GRIK2: variants seen among roughly 807,000 people sequenced by gnomAD.
The protein encoded by GRIK2 is glutamate ionotropic receptor kainate type subunit 2.
A neutral mutation model predicts 100.3 loss-of-function variants in GRIK2; 32 were observed. That is an observed-to-expected ratio of 0.32 (90% CI 0.24 to 0.43). GRIK2 has a LOEUF of 0.43. Ranked by LOEUF, GRIK2 falls within the 20% of genes least tolerant of loss-of-function variation. GRIK2 has a pLI of 1.00. For synonymous variants in GRIK2, 417 were observed against 389.4 expected, an observed-to-expected ratio of 1.07 and a Z score of -0.83; for missense variants, 843 against 1,114.9, an observed-to-expected ratio of 0.76 and a Z score of 3.47.
chr6:101,535,766 T>A (rs1775661309), intron 2 of GRIK2, among the ~76,000 whole-genome samples: 1 of 151,732 alleles, frequency 6.6e-6, no homozygotes, highest in Admixed American at 6.6e-5. Flanking sequence ...TTTTTTTCAT[T>A]ATGTTGACAT....
At chr6:101,523,516 T>C (rs1774990039) in intron 2 of GRIK2, among the ~76,000 whole-genome samples, 1 of 152,148 alleles carries the variant, frequency 6.6e-6, no homozygotes, top group Non-Finnish European at 1.5e-5. Context: ...CAGGAAAATT[T>C]TATGAATGAA....
In GRIK2 at chr6:101,774,218, TCA is replaced by T. The variant is rs370408280; in HGVS notation, c.952-25427_952-25426del. On this transcript the variant is annotated intron_variant, in intron 7 of 16. Transcript: ENST00000369134. ...CCTAGGTCCCAAATTTAGAAAAAAA[TCA>T]CAGTCTGTTAACACCGTAAAAATCT... is the stretch of plus-strand genomic sequence containing the variant. Among the ~76,000 whole-genome samples, 39 of 152,254 alleles carry T rather than the reference TCA, an allele frequency of 2.6e-4. No individual in the cohort carries two copies. In the East Asian group the frequency reaches 4.6e-3, roughly 18 times the overall value.
intron 16 of GRIK2, among the ~76,000 whole-genome samples, chr6:102,057,307 C>G (rs943614503): frequency 1.3e-5 from 2 of 151,888 alleles, no homozygotes; most frequent in African/African-American, 4.8e-5. Context: ...GTGCTTACCT[C>G]TATGTGTCCC....
Position 101,792,626 on chromosome 6 carries a change from T to C in GRIK2, c.952-7022T>C, listed in dbSNP as rs989463893. Among the ~76,000 whole-genome samples, 139 of 152,316 alleles carry C rather than the reference T, an allele frequency of 9.1e-4. 2 individuals are homozygous for C. The highest frequency in any genetic ancestry group is 6.8e-3 in the Middle Eastern group (2 of 294). On this transcript the variant is annotated intron_variant, in intron 7 of 16. Coordinates refer to ENST00000369134, the MANE Select transcript of GRIK2 (RefSeq NM_021956.5). ...TTGAGGGTAACCCGACCTTTCTCTC[T>C]GGCTGCCGTTAACATTTTTTCCTTC...
At chr6:101,679,605 G>A (rs1272492485) in intron 5 of GRIK2, among the ~76,000 whole-genome samples, 2 of 152,038 alleles carry the variant, frequency 1.3e-5, no homozygotes, top group Non-Finnish European at 2.9e-5. Context: ...CAGATCCAGA[G>A]CAAGTTATTT....
intron 9 of GRIK2, among the ~76,000 whole-genome samples, chr6:101,805,145 C>T (rs1248847721): frequency 1.3e-5 from 2 of 151,734 alleles, no homozygotes; most frequent in Admixed American, 6.6e-5. Flanking sequence ...AGTATAGTTA[C>T]CAACCCATAG....
intron 2 of GRIK2, among the ~76,000 whole-genome samples, chr6:101,442,243 G>T (rs1397868891): frequency 6.6e-6 from 1 of 152,118 alleles, no homozygotes; most frequent in Non-Finnish European, 1.5e-5. Flanking sequence ...TTGAAGGGTG[G>T]GGAGGATGGA....
chr6:101,521,193 T>A (rs1774866178), intron 2 of GRIK2, among the ~76,000 whole-genome samples: 1 of 152,040 alleles, frequency 6.6e-6, no homozygotes, highest in Non-Finnish European at 1.5e-5. Flanking sequence ...TCAATCTTAA[T>A]TTCTAGTACC....
chr6:101,496,947 C>T (rs1773477276), intron 2 of GRIK2, among the ~76,000 whole-genome samples: 1 of 152,074 alleles, frequency 6.6e-6, no homozygotes, highest in Non-Finnish European at 1.5e-5. Flanking sequence ...GTAAAAGGGG[C>T]TAAGTAGGCT....
At chr6:101,816,484 A>C (rs527415339) in intron 9 of GRIK2, among the ~76,000 whole-genome samples, 1 of 152,164 alleles carries the variant, frequency 6.6e-6, no homozygotes, top group African/African-American at 2.4e-5. Flanking sequence ...GATCGAGACC[A>C]AACTGGCCAA....
chr6:102,064,461 CCTCT>C (rs1242427062), intron 16 of GRIK2, among the ~76,000 whole-genome samples: 3 of 139,852 alleles, frequency 2.1e-5, no homozygotes, highest in African/African-American at 5.2e-5. Context: ...TCTCTCTTTC[CCTCT>C]CTCTCTTTCT....
chr6:101,771,805 T>C (rs1240145352), intron 7 of GRIK2, among the ~76,000 whole-genome samples: 1 of 151,212 alleles, frequency 6.6e-6, no homozygotes, highest in African/African-American at 2.4e-5. Flanking sequence ...GTCCTTGCGA[T>C]AGTTTGCTGA....
At chr6:101,461,668 T>C (rs1292118064) in intron 2 of GRIK2, among the ~76,000 whole-genome samples, 1 of 152,170 alleles carries the variant, frequency 6.6e-6, no homozygotes, top group Admixed American at 6.5e-5. Context: ...TAAGGTAACA[T>C]ATTCACAGGT....
chr6:101,713,923 A>G (rs17062378), intron 7 of GRIK2, among the ~76,000 whole-genome samples: 14,885 of 151,770 alleles, frequency 0.098, 1,122 homozygotes, highest in East Asian at 0.29. Flanking sequence ...CTACGCTTGA[A>G]TTAAGAATTG....
intron 14 of GRIK2, among the ~76,000 whole-genome samples, chr6:101,954,180 T>G (rs1427788645): frequency 6.6e-6 from 1 of 152,146 alleles, no homozygotes; most frequent in Non-Finnish European, 1.5e-5. Context: ...AGATCATCAG[T>G]TTCCTTTTTT....
chr6:101,590,117 A>G (rs1778570559), intron 2 of GRIK2, among the ~76,000 whole-genome samples: 2 of 152,050 alleles, frequency 1.3e-5, no homozygotes, highest in Non-Finnish European at 2.9e-5. Flanking sequence ...AAGGAAACTC[A>G]GGCTTGTTTT....
At chr6:101,431,161 C>A in intron 2 of GRIK2, 1 of 232,430 alleles carries the variant, frequency 4.3e-6, no homozygotes. Context: ...ACTGGGTGCT[C>A]CTCAGGAACC....
At chr6:101,579,968 T>C (rs1306134415) in intron 2 of GRIK2, among the ~76,000 whole-genome samples, 1 of 152,166 alleles carries the variant, frequency 6.6e-6, no homozygotes, top group Non-Finnish European at 1.5e-5. Context: ...TGACTACTTC[T>C]TCTCATCCTC....
intron 2 of GRIK2, among the ~76,000 whole-genome samples, chr6:101,454,469 G>A (rs369378589): frequency 6.6e-6 from 1 of 152,096 alleles, no homozygotes; most frequent in Non-Finnish European, 1.5e-5. Context: ...TTCCCGTCAG[G>A]GGAAGAACCC....
Sources: gnomAD v4.1 joint callset for allele counts (sites outside exome capture counted in the v4.1 genomes callset) on GRCh38, gnomAD v4.1.1 for gene constraint, MANE v1.5 for transcripts, NCBI Gene and HGNC (gene_info 2026-07-23, HGNC 2026-07-21) for gene names.